DNAH11: variants seen among roughly 807,000 people sequenced by gnomAD.
DNAH11 encodes axonemal beta dynein heavy chain 11.
A neutral mutation model predicts 526.0 loss-of-function variants in DNAH11; 442 were observed. That is an observed-to-expected ratio of 0.84 (90% confidence interval 0.78 to 0.91). DNAH11 has a LOEUF of 0.91. Among genes scored for constraint, DNAH11 ranks in the 40% least tolerant of loss-of-function variants. DNAH11 has a pLI of 0.00. For synonymous variants in DNAH11, 2,461 were observed against 1,935.9 expected (o/e 1.27, Z -7.12); for missense variants, 6,989 against 5,448.7 (o/e 1.28, Z -8.90).
At chr7:21,787,030 A>C (rs1023615639) in intron 59 of DNAH11, among the ~76,000 whole-genome samples, 8 of 152,216 alleles carry the variant, frequency 5.3e-5, no homozygotes, top group Non-Finnish European at 1.0e-4. Flanking sequence ...AAAGCAGTTA[A>C]GTGTAGGAGG....
Position 21,864,470 on chromosome 7 carries a change from C to A in DNAH11, c.11374-65C>A, listed in dbSNP as rs534287311. 3.4e-5 allele frequency: 53 copies of A among 1,544,296 alleles called. No homozygotes were observed. The South Asian group carries it at 6.3e-4, about 18-fold the overall frequency. On this transcript the variant is annotated intron_variant, in intron 69 of 81. Transcript: ENST00000409508. ...TCAGTCATGTCTGTTAAATGTGTGACTACTTCCTGTGTGACGATTTTCATG... is the reference window on the plus strand; with the variant it reads ...TCAGTCATGTCTGTTAAATGTGTGAATACTTCCTGTGTGACGATTTTCATG...
chr7:21,767,371 C>T (rs1406288192), intron 55 of DNAH11, among the ~76,000 whole-genome samples: 2 of 152,096 alleles, frequency 1.3e-5, no homozygotes, highest in Admixed American at 6.6e-5. Context: ...AGTTTCTTCC[C>T]TTTGCTACTC....
chr7:21,768,966 A>T (rs368861515), intron 55 of DNAH11, among the ~76,000 whole-genome samples: 140 of 152,338 alleles, frequency 9.2e-4, no homozygotes, highest in African/African-American at 3.2e-3. Context: ...CACATTGTGC[A>T]CATGTACCCT....
Position 21,543,133 on chromosome 7 carries a change from C to CGGCGACCGCGGAGGAGGGTG in DNAH11, c.-108_-89dup, listed in dbSNP as rs1782648602. On this transcript the variant is annotated 5_prime_UTR_variant, in exon 1 of 82. Transcript: ENST00000409508. ...GGTGGGAGACTAGGGTCTGCGCTCG[C>CGGCGACCGCGGAGGAGGGTG]GGCGACCGCGGAGGAGGGTGGGCGC... 6 of 1,433,314 alleles carry CGGCGACCGCGGAGGAGGGTG rather than the reference C, an allele frequency of 4.2e-6. No homozygotes were observed. The highest frequency in any genetic ancestry group is 5.8e-5 in the Admixed American group (2 of 34,654). The allele number at this position is 1,433,314 out of a possible 1,614,324, so 88.8% of individuals were successfully genotyped here. A position where few individuals can be genotyped will look rare whatever the true frequency, so the allele number is the denominator to read the frequency against.
At chr7:21,600,527 G>A (rs752057129) in intron 15 of DNAH11, 149 bp from the exon 16 acceptor site, 5 of 957,608 alleles carry the variant, frequency 5.2e-6, no homozygotes, top group African/African-American at 1.7e-5. Context: ...GGGAAGCACA[G>A]GGAAAAGAGA....
At chr7:21,886,662 G>GCTACCGCAGACAGTCC (rs1554292645) in intron 76 of DNAH11, among the ~76,000 whole-genome samples, 11 of 149,946 alleles carry the variant, frequency 7.3e-5, no homozygotes, top group African/African-American at 2.5e-4. Context: ...CCCGCGAGGA[G>GCTACCGCAGACAGTCC]CTCCCCTAGC....
Position 21,570,247 on chromosome 7 carries a change from A to C in DNAH11, c.1373A>C (p.His458Pro). 6.2e-7 allele frequency: 1 copy of C among 1,612,538 alleles called. No homozygotes were observed. The highest frequency in any genetic ancestry group is 8.5e-7 in the Non-Finnish European group (1 of 1,179,536). Residue 458 changes from histidine to proline, a missense_variant, in exon 7 of 82, where the codon CAT becomes CCT. Coordinates refer to ENST00000409508, the MANE Select transcript of DNAH11 (RefSeq NM_001277115.2). The part of the protein sequence containing the change: ...RKLRPWDFQS[H>P]LVFCRFDKFL... Reference sequence around the variant, plus strand: ...CTGAGACCATGGGATTTCCAGTCTCATCTGGTGTTTTGCAGATTTGACAAG... The same window carrying C: ...CTGAGACCATGGGATTTCCAGTCTCCTCTGGTGTTTTGCAGATTTGACAAG...
At chr7:21,777,188 C>T (rs1181156633) in intron 56 of DNAH11, among the ~76,000 whole-genome samples, 1 of 152,046 alleles carries the variant, frequency 6.6e-6, no homozygotes, top group Non-Finnish European at 1.5e-5. Context: ...AATATGTAAC[C>T]ATTGGGTATT....
chr7:21,667,680 C>A (rs1318225301), intron 30 of DNAH11, among the ~76,000 whole-genome samples: 1 of 151,968 alleles, frequency 6.6e-6, no homozygotes, highest in Non-Finnish European at 1.5e-5. Flanking sequence ...ATAATACTGA[C>A]AAATTTTGCA....
At chr7:21,735,432 C>T (rs758062656) in intron 45 of DNAH11, among the ~76,000 whole-genome samples, 1 of 152,114 alleles carries the variant, frequency 6.6e-6, no homozygotes, top group Non-Finnish European at 1.5e-5. Context: ...AATTGCTCTC[C>T]TCAAGCTACA....
chr7:21,735,458 C>G lies in DNAH11; in HGVS notation c.7441-182C>G, dbSNP rs2072215. Among the ~76,000 whole-genome samples, 17,732 of 152,160 alleles carry G rather than the reference C, an allele frequency of 0.12. 1,798 individuals carry two copies. The highest frequency in any genetic ancestry group is 0.25 in the African/African-American group (10,288 of 41,486). ...TCAAGCTACAATGTCTGAACTCTAA[C>G]CATTCAAAATTGAAAATAAGGTGGA... On this transcript the variant is annotated intron_variant, in intron 45 of 81. Transcript: ENST00000409508.
intron 65 of DNAH11, among the ~76,000 whole-genome samples, chr7:21,836,500 C>A (rs373398595): frequency 1.2e-3 from 181 of 152,150 alleles, no homozygotes; most frequent in Non-Finnish European, 2.2e-3. Context: ...GTGGAAAGAA[C>A]AATCTCTTCA....
At chr7:21,789,808 T>TTTCTTTCTTTCTTTCTTTCTTTC (rs1788373540) in intron 61 of DNAH11, among the ~76,000 whole-genome samples, 1 of 34,084 alleles carries the variant, frequency 2.9e-5, no homozygotes, top group Non-Finnish European at 7.4e-5. Context: ...TTTCTTTCTT[T>TTTCTTTCTTTCTTTCTTTCTTTC]TTTCTTTCTT....
intron 35 of DNAH11, among the ~76,000 whole-genome samples, chr7:21,695,020 G>A (rs544348024): frequency 5.9e-5 from 9 of 152,148 alleles, no homozygotes; most frequent in African/African-American, 2.2e-4. Flanking sequence ...AAAATACCTA[G>A]GAATACAACT....
At chr7:21,652,229 A>G (rs1166952576) in intron 28 of DNAH11, among the ~76,000 whole-genome samples, 1 of 152,208 alleles carries the variant, frequency 6.6e-6, no homozygotes, top group East Asian at 1.9e-4. Flanking sequence ...AAAAGAATGA[A>G]GATGTACCAG....
Position 21,857,547 on chromosome 7 carries a change from A to G in DNAH11, c.11202+3092A>G, listed in dbSNP as rs1782899665. Among the ~76,000 whole-genome samples, 3 of 150,620 alleles carry G rather than the reference A, an allele frequency of 2.0e-5. No individual in the cohort carries two copies. In the South Asian group the frequency reaches 6.3e-4, roughly 31 times the overall value. ...AATTTTGAAAAAGAAAAAAAAAAAC[A>G]GGGTTGGAAGACTTACAATTTCTGA... On this transcript the variant is annotated intron_variant, in intron 68 of 81. Transcript: ENST00000409508.
Position 21,859,571 on chromosome 7 carries a change from C to A in DNAH11, c.11203-2282C>A, listed in dbSNP as rs1038822935. 1.5e-4 allele frequency among the ~76,000 whole-genome samples: 23 copies of A among 152,198 alleles called. 1 individual carries two copies. The highest frequency in any genetic ancestry group is 4.4e-5 in the Non-Finnish European group (3 of 68,040). On this transcript the variant is annotated intron_variant, in intron 68 of 81. Coordinates refer to ENST00000409508, the MANE Select transcript of DNAH11 (RefSeq NM_001277115.2). ...TCAAGCTATACTTTGTTAATGCCTTCTTACCAATGTTTACTGTATATATCT... is the reference window on the plus strand; with the variant it reads ...TCAAGCTATACTTTGTTAATGCCTTATTACCAATGTTTACTGTATATATCT...
intron 65 of DNAH11, among the ~76,000 whole-genome samples, chr7:21,841,656 G>A (rs1005083009): frequency 6.6e-6 from 1 of 152,208 alleles, no homozygotes; most frequent in Admixed American, 6.5e-5. Context: ...GTCCAGGGCT[G>A]GTTCCCACCT....
intron 21 of DNAH11, among the ~76,000 whole-genome samples, chr7:21,615,825 G>C (rs1354843534): frequency 6.6e-6 from 1 of 152,128 alleles, no homozygotes. Context: ...AATGGTTGAT[G>C]AGAGTTTTGT....
Sources: allele counts gnomAD v4.1 joint callset (sites outside exome capture counted in the v4.1 genomes callset), GRCh38; gene constraint gnomAD v4.1.1; transcripts MANE v1.5; gene names NCBI Gene and HGNC (gene_info 2026-07-23, HGNC 2026-07-21).